The following CXCL13 variants were observed in gnomAD, a reference collection of about 807,000 sequenced individuals.
CXCL13 encodes C-X-C motif chemokine 13.
In CXCL13, 7 loss-of-function variants were observed where a neutral mutation model predicts 12.2. The observed-to-expected ratio is 0.57, with a 90% CI of 0.33 to 1.07. The LOEUF (loss-of-function observed/expected upper bound fraction) is 1.07, where lower values mean the gene tolerates loss of function less well. CXCL13 is among the 50% of genes least tolerant of loss of function. CXCL13 has a pLI of 0.04. For synonymous variants in CXCL13, 47 were observed against 42.4 expected, an observed-to-expected ratio of 1.11 and a Z score of -0.42; for missense variants, 113 against 127.4, an observed-to-expected ratio of 0.89 and a Z score of 0.55.
intron 1 of CXCL13, among the ~76,000 whole-genome samples, chr4:77,555,582 G>C (rs948656280): frequency 6.6e-6 from 1 of 151,926 alleles, no homozygotes; most frequent in African/African-American, 2.4e-5. Context: ...ACAAAACATA[G>C]GAAAATGTCT....
Position 77,518,106 on chromosome 4 carries a change from A to C in CXCL13, c.-43+6318A>C, listed in dbSNP as rs185937994. On this transcript the variant is annotated intron_variant, in intron 1 of 4. Coordinates refer to the CXCL13 transcript ENST00000286758. Reference sequence around the variant, plus strand: ...TGGGTTGAAAATTCTTTTCTTTAAGAATGGTGAATATTGGCCCCCACTCTC... The same window carrying C: ...TGGGTTGAAAATTCTTTTCTTTAAGCATGGTGAATATTGGCCCCCACTCTC... 1.0e-3 allele frequency among the ~76,000 whole-genome samples: 157 copies of C among 152,308 alleles called. 1 individual carries two copies. Among genetic ancestry groups the C allele is most frequent in the African/African-American group, 3.6e-3 (149 of 41,554 alleles).
chr4:77,546,554 T>C (rs928953034), intron 1 of CXCL13, among the ~76,000 whole-genome samples: 1 of 152,250 alleles, frequency 6.6e-6, no homozygotes, highest in African/African-American at 2.4e-5. Flanking sequence ...TATAGTATTC[T>C]CTGATGGTAG....
At chr4:77,531,477 A>G (rs1297274316) in intron 1 of CXCL13, among the ~76,000 whole-genome samples, 1 of 151,800 alleles carries the variant, frequency 6.6e-6, no homozygotes, top group East Asian at 1.9e-4. Flanking sequence ...TATATGCTCA[A>G]TTTTGGAATA....
intron 1 of CXCL13, among the ~76,000 whole-genome samples, chr4:77,515,941 G>C (rs1724405754): frequency 6.6e-6 from 1 of 152,084 alleles, no homozygotes; most frequent in Non-Finnish European, 1.5e-5. Flanking sequence ...ATTGACTGTG[G>C]GTTTGTCATA....
chr4:77,552,663 G>A (rs1174965194), intron 1 of CXCL13, among the ~76,000 whole-genome samples: 4 of 152,192 alleles, frequency 2.6e-5, no homozygotes, highest in Non-Finnish European at 5.9e-5. Flanking sequence ...CAGCACTGAG[G>A]GGAGAATCCA....
chr4:77,522,212 G>T (rs904124423), intron 1 of CXCL13, among the ~76,000 whole-genome samples: 1 of 152,118 alleles, frequency 6.6e-6, no homozygotes. Flanking sequence ...GAGTTCTGTA[G>T]ATGTCTATTA....
At chr4:77,556,834 A>T (rs1578052426) in intron 1 of CXCL13, among the ~76,000 whole-genome samples, 1 of 152,198 alleles carries the variant, frequency 6.6e-6, no homozygotes, top group Admixed American at 6.5e-5. Flanking sequence ...CCTGGGAAAC[A>T]TAGAGGAGCT....
intron 1 of CXCL13, among the ~76,000 whole-genome samples, chr4:77,519,456 C>A (rs765046356): frequency 6.6e-6 from 1 of 152,194 alleles, no homozygotes; most frequent in Non-Finnish European, 1.5e-5. Flanking sequence ...ATGTGCATTT[C>A]TCTGATGACC....
intron 1 of CXCL13, among the ~76,000 whole-genome samples, chr4:77,579,196 A>G (rs1726260009): frequency 6.6e-6 from 1 of 152,216 alleles, no homozygotes. Flanking sequence ...GTCTCACTGA[A>G]GGCACCCACA....
At chr4:77,528,147 T>A (rs1724813529) in intron 1 of CXCL13, among the ~76,000 whole-genome samples, 1 of 152,238 alleles carries the variant, frequency 6.6e-6, no homozygotes, top group Non-Finnish European at 1.5e-5. Flanking sequence ...CCATGGTGTA[T>A]ATGTGCCACA....
chr4:77,535,370 G>T (rs1280187968), intron 1 of CXCL13, among the ~76,000 whole-genome samples: 1 of 152,120 alleles, frequency 6.6e-6, no homozygotes, highest in Admixed American at 6.6e-5. Context: ...GTTGAGCCAT[G>T]CTTGTATATA....
At chr4:77,574,903 A>G (rs1251532899) in intron 1 of CXCL13, among the ~76,000 whole-genome samples, 1 of 152,000 alleles carries the variant, frequency 6.6e-6, no homozygotes, top group Non-Finnish European at 1.5e-5. Context: ...TTTGAGAAAT[A>G]AAAACAGCCT....
intron 1 of CXCL13, among the ~76,000 whole-genome samples, chr4:77,580,100 A>T (rs2109823615): frequency 6.6e-6 from 1 of 152,230 alleles, no homozygotes; most frequent in East Asian, 1.9e-4. Flanking sequence ...TGGAATGGCA[A>T]GAAAGTGGGA....
chr4:77,559,356 A>G (rs1372925152), intron 1 of CXCL13, among the ~76,000 whole-genome samples: 3 of 152,210 alleles, frequency 2.0e-5, no homozygotes, highest in Non-Finnish European at 4.4e-5. Flanking sequence ...CATTTCTGAA[A>G]ATGGAATGAC....
chr4:77,576,252 T>G (rs1377172632), intron 1 of CXCL13, among the ~76,000 whole-genome samples: 2 of 149,426 alleles, frequency 1.3e-5, no homozygotes, highest in Admixed American at 6.6e-5. Flanking sequence ...GAAGTAATGT[T>G]TTTTGCTTTT....
intron 1 of CXCL13, among the ~76,000 whole-genome samples, chr4:77,585,923 T>C (rs771560770): frequency 2.6e-5 from 4 of 152,178 alleles, no homozygotes; most frequent in Admixed American, 6.5e-5. Flanking sequence ...AATTCAGACC[T>C]AGCACTTCCC....
chr4:77,529,989 T>C (rs1724865172), intron 1 of CXCL13, among the ~76,000 whole-genome samples: 1 of 152,172 alleles, frequency 6.6e-6, no homozygotes, highest in South Asian at 2.1e-4. Context: ...GCATGAAGCG[T>C]TGTTGAATTT....
chr4:77,551,875 C>G (rs1049159046), intron 1 of CXCL13, among the ~76,000 whole-genome samples: 1 of 152,148 alleles, frequency 6.6e-6, no homozygotes, highest in African/African-American at 2.4e-5. Flanking sequence ...TTGGTCCAGT[C>G]TATTGCTAAA....
intron 1 of CXCL13, among the ~76,000 whole-genome samples, chr4:77,558,323 G>T (rs1725713283): frequency 6.6e-6 from 1 of 152,190 alleles, no homozygotes; most frequent in Admixed American, 6.5e-5. Context: ...AGCAAGGGGA[G>T]AGGGCTAACC....
Sources: gnomAD v4.1 joint callset for allele counts (sites outside exome capture counted in the v4.1 genomes callset) on GRCh38, gnomAD v4.1.1 for gene constraint, MANE v1.5 for transcripts, NCBI Gene and HGNC (gene_info 2026-07-23, HGNC 2026-07-21) for gene names.